Variants in ASPH observed in about 807,000 individuals in gnomAD.
The protein encoded by ASPH is aspartate beta-hydroxylase, also known as aspartyl/asparaginyl beta-hydroxylase.
ASPH carries 100 observed loss-of-function variants against 118.4 expected under a neutral mutation model. The observed-to-expected ratio is 0.84, with a 90% confidence interval of 0.72 to 1.00. ASPH has a LOEUF of 1.00. Ranked by LOEUF, ASPH falls within the 50% of genes least tolerant of loss-of-function variation. ASPH has a pLI of 0.00. For missense variants in ASPH, 920 were observed against 919.5 expected, an observed-to-expected ratio of 1.00 and a Z score of -0.01; for synonymous variants, 315 against 325.6, an observed-to-expected ratio of 0.97 and a Z score of 0.35.
chr8:61,631,600 C>T (rs374980778), intron 13 of ASPH: 1 of 152,244 alleles, frequency 6.6e-6, no homozygotes, highest in Admixed American at 6.5e-5. Flanking sequence ...AGTCACCTAA[C>T]GACACACTCT....
intron 20 of ASPH, 149 bp downstream of exon 20, chr8:61,552,882 A>T (rs1292363747): frequency 1.6e-6 from 1 of 632,660 alleles, no homozygotes; most frequent in African/African-American, 1.9e-5. Context: ...GGGTTGTTCC[A>T]AAGATAGTTT....
intron 1 of ASPH, among the ~76,000 whole-genome samples, chr8:61,695,458 C>T (rs138241142): frequency 2.0e-5 from 3 of 152,288 alleles, no homozygotes; most frequent in African/African-American, 7.2e-5. Context: ...TTTCCTGTCT[C>T]GGGCTCTCAG....
At chr8:61,639,847 C>A (rs149413333) in intron 10 of ASPH, among the ~76,000 whole-genome samples, 1 of 152,182 alleles carries the variant, frequency 6.6e-6, no homozygotes, top group Non-Finnish European at 1.5e-5. Context: ...GTCTCTCCCA[C>A]GTTAGGAAAA....
chr8:61,575,162 T>C (rs1022588540), intron 16 of ASPH, among the ~76,000 whole-genome samples: 1 of 152,246 alleles, frequency 6.6e-6, no homozygotes, highest in African/African-American at 2.4e-5. Flanking sequence ...CTTTCAGTCA[T>C]GTTACCTGCA....
chr8:61,562,686 A>C, intron 18 of ASPH, 58 bp downstream of exon 18: 1 of 1,434,818 alleles, frequency 7.0e-7, no homozygotes, highest in Non-Finnish European at 9.2e-7. Context: ...TAATAAATGT[A>C]ATTTGCAAAT....
intron 10 of ASPH, 82 bp downstream of exon 10, chr8:61,642,806 C>T (rs973826376): frequency 1.5e-5 from 18 of 1,240,198 alleles, no homozygotes; most frequent in Non-Finnish European, 2.0e-5. Context: ...GATTGTGCCA[C>T]TGCACTGCAG....
intron 3 of ASPH, among the ~76,000 whole-genome samples, chr8:61,670,985 C>A (rs184338599): frequency 2.6e-4 from 39 of 152,150 alleles, no homozygotes; most frequent in African/African-American, 4.8e-5. Context: ...ACTGTTGGAG[C>A]AGCATGCCCC....
intron 14 of ASPH, among the ~76,000 whole-genome samples, chr8:61,613,070 T>G (rs2133979627): frequency 6.6e-6 from 1 of 152,304 alleles, no homozygotes; most frequent in Admixed American, 6.5e-5. Context: ...TAAGCACCAC[T>G]AGAATAGTGT....
chr8:61,694,885 C>T (rs1833560993), intron 1 of ASPH, among the ~76,000 whole-genome samples: 1 of 152,172 alleles, frequency 6.6e-6, no homozygotes, highest in Non-Finnish European at 1.5e-5. Flanking sequence ...TGTTCAGTGT[C>T]CTAAATCTCA....
chr8:61,687,336 C>T (rs2151735439), intron 1 of ASPH: 1 of 152,248 alleles, frequency 6.6e-6, no homozygotes, highest in Non-Finnish European at 1.5e-5. Flanking sequence ...AAAATGAATG[C>T]ATGCACCAAA....
chr8:61,533,769 CT>C (rs1818449367), intron 21 of ASPH, among the ~76,000 whole-genome samples: 1 of 152,192 alleles, frequency 6.6e-6, no homozygotes. Context: ...TGTCTTAGAT[CT>C]GCCAAATCAT....
Position 61,562,749 on chromosome 8 carries a change from C to A in ASPH, c.1432G>T (p.Glu478Ter). 1 of 1,606,198 alleles carries A rather than the reference C, an allele frequency of 6.2e-7. No homozygotes were observed. ...GDNDNAKKVY[E>*]EVLSVTPNDG... is the part of the protein sequence containing the mutation. ...AATACAAGATTGATGCTTACCTCTTCATAAACTTTCTTTGCATTGTCATTA... is the reference window on the plus strand; with the variant it reads ...AATACAAGATTGATGCTTACCTCTTAATAAACTTTCTTTGCATTGTCATTA... Residue 478 changes from glutamate to a stop codon, truncating the protein, a stop_gained, in exon 18 of 25, where the codon GAA becomes TAA. Transcript: ENST00000379454. LOFTEE classifies it high-confidence loss of function.
intron 3 of ASPH, chr8:61,664,312 T>C (rs1317928807): frequency 2.1e-6 from 2 of 972,780 alleles, no homozygotes; most frequent in Non-Finnish European, 2.4e-6. Context: ...ATGTATGCCA[T>C]TCAACCAAAA....
intron 1 of ASPH, chr8:61,687,754 C>G (rs866080287): frequency 1.9e-4 from 29 of 152,090 alleles, no homozygotes; most frequent in African/African-American, 5.8e-4. Context: ...GATTTTCATT[C>G]AAAGTAGTTT....
At chr8:61,638,173 CTTTAAT>C in intron 11 of ASPH, 143 bp downstream of exon 11, 1 of 1,202,648 alleles carries the variant, frequency 8.3e-7, no homozygotes, top group Non-Finnish European at 1.2e-6. Flanking sequence ...AGAATATTAA[CTTTAAT>C]TTTGATACTC....
chr8:61,644,002 C>T lies in ASPH; in HGVS notation c.653-1G>A, dbSNP rs1806596229. 2 of 1,605,886 alleles carry T rather than the reference C, an allele frequency of 1.2e-6. No homozygotes were observed. Among genetic ancestry groups the T allele is most frequent in the South Asian group, 2.2e-5 (2 of 90,438 alleles). On this transcript the variant is annotated splice_acceptor_variant, in intron 7 of 24. Coordinates refer to ENST00000379454, the MANE Select transcript of ASPH (RefSeq NM_004318.4). LOFTEE classifies it high-confidence loss of function. The stretch of plus-strand genomic sequence containing the variant: ...ATATCCTGATTACAGTCTTGTGAAA[C>T]TATAAATTATGGAATAATTAGGAAA...
chr8:61,682,353 T>C, intron 2 of ASPH: 1 of 1,367,012 alleles, frequency 7.3e-7, no homozygotes, highest in Non-Finnish European at 1.0e-6. Context: ...TATATTCTGA[T>C]GTAGATAATA....
chr8:61,537,362 T>C (rs993313023), intron 21 of ASPH, among the ~76,000 whole-genome samples: 1 of 152,228 alleles, frequency 6.6e-6, no homozygotes, highest in Non-Finnish European at 1.5e-5. Flanking sequence ...CTATAATGTG[T>C]ATGTGCATAT....
chr8:61,579,352 T>A, intron 15 of ASPH: 4 of 1,614,088 alleles, frequency 2.5e-6, no homozygotes, highest in South Asian at 1.1e-5. Context: ...CAGGAGCTGA[T>A]GAACGTCAAG....
Sources: allele counts gnomAD v4.1 joint callset (sites outside exome capture counted in the v4.1 genomes callset), GRCh38; gene constraint gnomAD v4.1.1; transcripts MANE v1.5; gene names NCBI Gene and HGNC (gene_info 2026-07-23, HGNC 2026-07-21).